ATG4A: variants seen among roughly 807,000 people sequenced by gnomAD.
The protein encoded by ATG4A is autophagy related 4A cysteine peptidase.
In ATG4A, 22 loss-of-function variants were observed where a neutral mutation model predicts 38.4. That is an observed-to-expected ratio of 0.57 (90% CI 0.41 to 0.82). The LOEUF is 0.82. Among genes scored for constraint, ATG4A ranks in the 40% least tolerant of loss-of-function variants. The probability of loss-of-function intolerance (pLI) is 0.00; values close to 1 mark genes in which losing one functional copy is unlikely to be tolerated. For synonymous variants in ATG4A, 86 were observed against 100.7 expected (o/e 0.85, Z 0.88); for missense variants, 220 against 290.0 (o/e 0.76, Z 1.75).
chrX:108,150,964 G>A (rs1218899130), intron 10 of ATG4A, among the ~76,000 whole-genome samples: 2 of 112,421 alleles, frequency 1.8e-5, no homozygotes, highest in African/African-American at 6.5e-5. Flanking sequence ...GAGGTGCAAT[G>A]CATGTAAGGC....
intron 2 of ATG4A, among the ~76,000 whole-genome samples, chrX:108,128,351 C>T (rs954681218): frequency 4.0e-4 from 44 of 111,277 alleles, no homozygotes; most frequent in African/African-American, 1.4e-3. Context: ...AGGTGTGAGT[C>T]GCTGGGCCCA....
intron 1 of ATG4A, among the ~76,000 whole-genome samples, chrX:108,122,621 C>T (rs1462865489): frequency 9.0e-6 from 1 of 111,637 alleles, no homozygotes. Flanking sequence ...AGAGAATTGT[C>T]ATTATTCGAT....
chrX:108,138,029 C>G, intron 8 of ATG4A, 38 bp downstream of exon 8: 1 of 1,195,338 alleles, frequency 8.4e-7, no homozygotes, highest in Non-Finnish European at 1.1e-6. Flanking sequence ...TGCTGCCTGC[C>G]CATCACACCG....
At chrX:108,107,445 T>G (rs1602619260) in intron 1 of ATG4A, among the ~76,000 whole-genome samples, 1 of 112,420 alleles carries the variant, frequency 8.9e-6, no homozygotes, top group East Asian at 2.8e-4. Context: ...CGTAATTGCT[T>G]GTTGAAACAT....
chrX:108,095,019 A>G lies in ATG4A; in HGVS notation c.10+3183A>G, dbSNP rs1005556204. ...ACCCAGGCTGGAATGCAGTGGCACG[A>G]TCTTGGCACACTGCTATCTTTGCCT... On this transcript the variant is annotated intron_variant, in intron 1 of 12. Transcript: ENST00000372232. Among the ~76,000 whole-genome samples the G allele has an allele frequency of 3.6e-5, 4 of 112,423 alleles. No individual in the cohort carries two copies. In the East Asian group the frequency reaches 1.1e-3, roughly 31 times the overall value.
chrX:108,112,532 C>G (rs956583069), intron 1 of ATG4A, among the ~76,000 whole-genome samples: 5 of 110,059 alleles, frequency 4.5e-5, no homozygotes, highest in African/African-American at 1.7e-4. Context: ...GCTGGGATTA[C>G]AGGCGCCCGG....
At chrX:108,134,249 C>T in intron 5 of ATG4A, 90 bp from the exon 6 acceptor site, 1 of 1,142,221 alleles carries the variant, frequency 8.8e-7, no homozygotes, top group Non-Finnish European at 1.2e-6. Context: ...AGTTGTCCAT[C>T]TGCTTAATTA....
chrX:108,148,148 A>G (rs1242694780), intron 9 of ATG4A, among the ~76,000 whole-genome samples: 1 of 103,657 alleles, frequency 9.6e-6, no homozygotes, highest in Non-Finnish European at 2.0e-5. Context: ...AGGAGCAAGG[A>G]CAGCCAGTCT....
intron 9 of ATG4A, 95 bp from the exon 10 acceptor site, chrX:108,150,057 G>A: frequency 2.0e-6 from 2 of 978,845 alleles, no homozygotes; most frequent in African/African-American, 3.9e-5. Flanking sequence ...GTCACCAAGG[G>A]AGGGGTTAAG....
At chrX:108,125,526 T>G (rs1029565849) in intron 1 of ATG4A, among the ~76,000 whole-genome samples, 3 of 112,593 alleles carry the variant, frequency 2.7e-5, no homozygotes, top group Admixed American at 9.4e-5. Context: ...GATCCTTCTT[T>G]GCAGAAGCCA....
chrX:108,122,745 G>A (rs2032690571), intron 1 of ATG4A, among the ~76,000 whole-genome samples: 1 of 112,122 alleles, frequency 8.9e-6, no homozygotes, highest in Non-Finnish European at 1.9e-5. Flanking sequence ...AATGATTAGA[G>A]GCAGTCAATT....
At chrX:108,129,038 C>G (rs1053622249) in intron 3 of ATG4A, among the ~76,000 whole-genome samples, 186 bp downstream of exon 3, 1 of 112,158 alleles carries the variant, frequency 8.9e-6, no homozygotes, top group Non-Finnish European at 1.9e-5. Context: ...ACATATGGCT[C>G]TATTTCATTG....
At chrX:108,146,019 A>G (rs772117733) in intron 9 of ATG4A, among the ~76,000 whole-genome samples, 23 of 111,959 alleles carry the variant, frequency 2.1e-4, no homozygotes, top group Middle Eastern at 4.6e-3. Context: ...AGGCCCTGAA[A>G]TGTCTGATCA....
At chrX:108,151,723 C>T in intron 10 of ATG4A, 79 bp from the exon 11 acceptor site, 1 of 1,005,138 alleles carries the variant, frequency 9.9e-7, no homozygotes, top group Non-Finnish European at 1.4e-6. Context: ...GACTGGCCCA[C>T]ATCCTAATTC....
intron 1 of ATG4A, among the ~76,000 whole-genome samples, chrX:108,106,270 G>A (rs1484904121): frequency 9.1e-6 from 1 of 110,469 alleles, no homozygotes; most frequent in Non-Finnish European, 1.9e-5. Flanking sequence ...GTTTGATTCC[G>A]TTGTAGTTAG....
intron 1 of ATG4A, among the ~76,000 whole-genome samples, chrX:108,125,090 A>G (rs754084728): frequency 1.2e-4 from 13 of 112,264 alleles, no homozygotes; most frequent in Non-Finnish European, 2.1e-4. Flanking sequence ...AGATTAAAAT[A>G]GGTTTTGTGG....
At chrX:108,125,823 G>C (rs1049100817) in intron 1 of ATG4A, among the ~76,000 whole-genome samples, 2 of 112,038 alleles carry the variant, frequency 1.8e-5, no homozygotes, top group Non-Finnish European at 3.8e-5. Flanking sequence ...AGTAACTGTG[G>C]CCAAATGATT....
chrX:108,103,091 G>C (rs2032067226), intron 1 of ATG4A, among the ~76,000 whole-genome samples: 1 of 110,981 alleles, frequency 9.0e-6, no homozygotes, highest in Non-Finnish European at 1.9e-5. Context: ...GTGGTGTTAG[G>C]TTTTCTGTTC....
At chrX:108,115,522 TCTA>T (rs2032484141) in intron 1 of ATG4A, among the ~76,000 whole-genome samples, 1 of 112,122 alleles carries the variant, frequency 8.9e-6, no homozygotes, top group Admixed American at 9.4e-5. Context: ...TCATACTGTA[TCTA>T]CTATTTTGCA....
Sources: allele counts gnomAD v4.1 joint callset (sites outside exome capture counted in the v4.1 genomes callset), GRCh38; gene constraint gnomAD v4.1.1; transcripts MANE v1.5; gene names NCBI Gene and HGNC (gene_info 2026-07-23, HGNC 2026-07-21).